The following EEFSEC variants were observed in gnomAD, a reference collection of about 807,000 sequenced individuals.
EEFSEC encodes the protein selenocysteine-specific elongation factor.
Under a neutral mutation model 42.1 loss-of-function variants are expected in EEFSEC, and 43 were observed. The ratio of observed to expected loss-of-function variants is 1.02; its 90% confidence interval spans 0.80 to 1.32. The LOEUF is 1.32. EEFSEC is among the 40% of genes most tolerant of loss of function. The pLI is 0.00. For synonymous variants in EEFSEC, 354 were observed against 339.1 expected, an observed-to-expected ratio of 1.04 and a Z score of -0.48; for missense variants, 745 against 803.6, an observed-to-expected ratio of 0.93 and a Z score of 0.88.
intron 1 of EEFSEC, among the ~76,000 whole-genome samples, chr3:128,222,471 G>T (rs2107849622): frequency 6.6e-6 from 1 of 152,262 alleles, no homozygotes; most frequent in South Asian, 2.1e-4. Context: ...TCCTAGTAGG[G>T]ATTCTACTGG....
At chr3:128,210,515 A>G (rs1391018035) in intron 1 of EEFSEC, among the ~76,000 whole-genome samples, 4 of 152,194 alleles carry the variant, frequency 2.6e-5, no homozygotes, top group African/African-American at 7.2e-5. Flanking sequence ...TCGACGGTGA[A>G]AAATTGTAAA....
chr3:128,295,139 A>G (rs1327825153), intron 4 of EEFSEC, among the ~76,000 whole-genome samples: 1 of 152,226 alleles, frequency 6.6e-6, no homozygotes, highest in Non-Finnish European at 1.5e-5. Context: ...AAAGAGGCCA[A>G]TGCAAAAAGC....
At chr3:128,341,944 G>C in intron 5 of EEFSEC, 55 bp downstream of exon 5, 1 of 1,566,370 alleles carries the variant, frequency 6.4e-7, no homozygotes, top group Non-Finnish European at 8.6e-7. Context: ...CGGGCAGCTG[G>C]GATCCATGGC....
intron 4 of EEFSEC, among the ~76,000 whole-genome samples, chr3:128,269,062 A>C (rs1276121911): frequency 6.6e-6 from 1 of 152,224 alleles, no homozygotes; most frequent in Non-Finnish European, 1.5e-5. Context: ...TTCTGGGGGC[A>C]ACATGTCAGA....
intron 4 of EEFSEC, among the ~76,000 whole-genome samples, chr3:128,278,740 A>AAAGGT (rs112408884): frequency 5.8e-4 from 88 of 152,284 alleles, no homozygotes; most frequent in African/African-American, 2.0e-3. Context: ...CCTAGTTGTG[A>AAAGGT]AAGGGTCTGA....
chr3:128,247,397 A>G (rs2066139351), intron 2 of EEFSEC, among the ~76,000 whole-genome samples: 1 of 152,184 alleles, frequency 6.6e-6, no homozygotes, highest in Non-Finnish European at 1.5e-5. Context: ...TCTTGATAAA[A>G]ACTTAGTCCC....
chr3:128,212,115 C>T (rs1358429267), intron 1 of EEFSEC, among the ~76,000 whole-genome samples: 2 of 152,102 alleles, frequency 1.3e-5, no homozygotes, highest in Non-Finnish European at 2.9e-5. Flanking sequence ...CCTGCCTCGG[C>T]CTCCCAAAGT....
intron 6 of EEFSEC, among the ~76,000 whole-genome samples, chr3:128,405,224 G>A (rs1274256139): frequency 6.6e-6 from 1 of 152,098 alleles, no homozygotes; most frequent in Non-Finnish European, 1.5e-5. Flanking sequence ...CACCGTGTTA[G>A]CCAGGATGAT....
In EEFSEC at chr3:128,256,284, T is replaced by C. The variant is rs145519563; in HGVS notation, c.525-5844T>C. ...ATAGCTCTATTTTGTTTTCTTTGTG[T>C]TTATTTTTGTAGCTACAGTAGTAGA... On this transcript the variant is annotated intron_variant, in intron 2 of 6. Coordinates refer to ENST00000254730, the MANE Select transcript of EEFSEC (RefSeq NM_021937.5). Among the ~76,000 whole-genome samples, 399 of 152,324 alleles carry C rather than the reference T, an allele frequency of 2.6e-3. 6 individuals carry two copies. Among genetic ancestry groups the C allele is most frequent in the African/African-American group, 9.0e-3 (373 of 41,570 alleles).
At position 128,264,766 on chromosome 3, in the gene EEFSEC, G is replaced by A; in HGVS notation, c.771G>A (p.Glu257=). ...SGSISLGDSV[E]IPALKVVKKV... ...CCATCAGCCTCGGTGACAGTGTGGA[G>A]ATCCCTGCCCTCAAGGTCAGTCTTA... is the stretch of plus-strand genomic sequence containing the variant. Residue 257 remains glutamate (E), a synonymous_variant, in exon 4 of 7, where the codon GAG becomes GAA. Coordinates refer to ENST00000254730, the MANE Select transcript of EEFSEC (RefSeq NM_021937.5). The A allele has an allele frequency of 6.2e-7, 1 of 1,614,034 alleles. No homozygotes were observed. Among genetic ancestry groups the A allele is most frequent in the Middle Eastern group, 1.7e-4 (1 of 6,058 alleles).
intron 4 of EEFSEC, among the ~76,000 whole-genome samples, chr3:128,293,673 A>AAAAAAC (rs1553752098): frequency 2.1e-4 from 2 of 9,608 alleles, no homozygotes; most frequent in Admixed American, 1.2e-3. Flanking sequence ...AAAAAAAAAA[A>AAAAAAC]AAAAAAAAAA....
chr3:128,305,839 T>C (rs1311919345), intron 4 of EEFSEC, among the ~76,000 whole-genome samples: 1 of 152,218 alleles, frequency 6.6e-6, no homozygotes, highest in Non-Finnish European at 1.5e-5. Context: ...TTTGTCTTTT[T>C]GCTAGTTTCT....
At chr3:128,379,477 C>G (rs1357426783) in intron 6 of EEFSEC, among the ~76,000 whole-genome samples, 3 of 152,098 alleles carry the variant, frequency 2.0e-5, no homozygotes, top group Non-Finnish European at 4.4e-5. Context: ...CAAGACGGAC[C>G]GTTCACAAAG....
chr3:128,404,571 C>G (rs915104507), intron 6 of EEFSEC, among the ~76,000 whole-genome samples: 1 of 152,164 alleles, frequency 6.6e-6, no homozygotes, highest in African/African-American at 2.4e-5. Flanking sequence ...GCTACCTGCT[C>G]TGTTTGCAGA....
chr3:128,158,129 GAGTT>G (rs1944411378), intron 1 of EEFSEC, among the ~76,000 whole-genome samples: 1 of 152,242 alleles, frequency 6.6e-6, no homozygotes, highest in Admixed American at 6.5e-5. Flanking sequence ...AATAGCAAGA[GAGTT>G]AGAATGAGAA....
At chr3:128,247,163 T>G (rs2066137125) in intron 2 of EEFSEC, 120 bp downstream of exon 2, 1 of 1,042,750 alleles carries the variant, frequency 9.6e-7, no homozygotes, top group Non-Finnish European at 1.4e-6. Flanking sequence ...GTAAGTGAGA[T>G]CTCAACCTGG....
chr3:128,225,532 C>T (rs1212307748), intron 1 of EEFSEC, among the ~76,000 whole-genome samples: 2 of 152,246 alleles, frequency 1.3e-5, no homozygotes, highest in Admixed American at 6.5e-5. Flanking sequence ...AGAGTGCTTA[C>T]TTTGCAGGGT....
intron 6 of EEFSEC, among the ~76,000 whole-genome samples, chr3:128,389,950 G>A (rs1249081673): frequency 1.3e-5 from 2 of 152,230 alleles, no homozygotes; most frequent in African/African-American, 4.8e-5. Flanking sequence ...GGGTGGCTGA[G>A]TTGGCAGCGC....
In EEFSEC at chr3:128,324,860, G is replaced by T. The variant is rs560187857; in HGVS notation, c.787-16373G>T. Among the ~76,000 whole-genome samples, 822 of 152,314 alleles carry T rather than the reference G, an allele frequency of 5.4e-3. 8 individuals carry two copies. Among genetic ancestry groups the T allele is most frequent in the African/African-American group, 0.019 (779 of 41,572 alleles). On this transcript the variant is annotated intron_variant, in intron 4 of 6. Coordinates refer to ENST00000254730, the MANE Select transcript of EEFSEC (RefSeq NM_021937.5). ...GCTAAACTTGGAAAATGAAAAAGAA[G>T]AAATAGAAAAATAGAGAGGAGAAAA...
Sources: gnomAD v4.1 joint callset for allele counts (sites outside exome capture counted in the v4.1 genomes callset) on GRCh38, gnomAD v4.1.1 for gene constraint, MANE v1.5 for transcripts, NCBI Gene and HGNC (gene_info 2026-07-23, HGNC 2026-07-21) for gene names.